Variants in LRBA observed in about 807,000 individuals in gnomAD.
The protein encoded by LRBA is LPS responsive beige-like anchor protein, also known as lipopolysaccharide-responsive and beige-like anchor protein.
Under a neutral mutation model 330.0 loss-of-function variants are expected in LRBA, and 176 were observed. The ratio of observed to expected loss-of-function variants is 0.53; its 90% CI spans 0.47 to 0.60. The LOEUF (loss-of-function observed/expected upper bound fraction) is 0.60, where lower values mean the gene tolerates loss of function less well. Ranked by LOEUF, LRBA falls within the 20% of genes least tolerant of loss-of-function variation. The pLI is 0.00. For missense variants in LRBA, 3,259 were observed against 3,444.8 expected (o/e 0.95, Z 1.35); for synonymous variants, 1,230 against 1,193.0 (o/e 1.03, Z -0.64).
At chr4:150,423,139 A>C in intron 46 of LRBA, 1 of 1,006,646 alleles carries the variant, frequency 9.9e-7, no homozygotes, top group Admixed American at 1.7e-5. Flanking sequence ...ACCACCACCA[A>C]AGTACAGGAC....
chr4:150,842,790 C>A (rs1486851548), intron 28 of LRBA, among the ~76,000 whole-genome samples: 1 of 152,084 alleles, frequency 6.6e-6, no homozygotes, highest in Non-Finnish European at 1.5e-5. Context: ...TTGCTAACTC[C>A]CTCATAGAAT....
At chr4:150,607,018 A>G (rs1021957752) in intron 37 of LRBA, among the ~76,000 whole-genome samples, 4 of 152,252 alleles carry the variant, frequency 2.6e-5, no homozygotes, top group African/African-American at 9.6e-5. Context: ...AAAAGGCACT[A>G]TAAGCCAAGA....
chr4:150,399,463 C>T (rs1377797573), intron 47 of LRBA, among the ~76,000 whole-genome samples: 1 of 152,110 alleles, frequency 6.6e-6, no homozygotes, highest in African/African-American at 2.4e-5. Context: ...GACCATGATA[C>T]CCCATATAGA....
At chr4:150,721,255 A>G in intron 36 of LRBA, 2 of 392,134 alleles carry the variant, frequency 5.1e-6, no homozygotes. Flanking sequence ...CACTTTTTAG[A>G]TGAGTGGCTT....
chr4:150,727,348 A>G (rs1729843210), intron 36 of LRBA, among the ~76,000 whole-genome samples: 2 of 152,156 alleles, frequency 1.3e-5, no homozygotes, highest in Non-Finnish European at 2.9e-5. Context: ...TGCTGGGATT[A>G]CAGGTGTGAC....
intron 46 of LRBA, chr4:150,423,247 A>G (rs1749073580): frequency 3.4e-6 from 4 of 1,191,940 alleles, no homozygotes; most frequent in Non-Finnish European, 4.9e-6. Flanking sequence ...ACAAGAGCTG[A>G]CACGCAGCCG....
rs1746633375 is a variant in LRBA, at chr4:150,828,572, T to C, written c.4779A>G (p.Glu1593=). 2 of 1,614,092 alleles carry C rather than the reference T, an allele frequency of 1.2e-6. No individual in the cohort carries two copies. The highest frequency in any genetic ancestry group is 1.7e-6 in the Non-Finnish European group (2 of 1,179,986). ...FSTLTTASVE[E]SESTSSARRR... is the part of the protein sequence containing the mutation. ...TTCGAGCAGATGATGTGCTTTCAGA[T>C]TCTTCCACTGATGCCGTAGTTAAAG... is the stretch of plus-strand genomic sequence containing the variant. Residue 1593 remains glutamate (E), a synonymous_variant, in exon 30 of 57, where the codon GAA becomes GAG. Coordinates refer to ENST00000651943, the MANE Select transcript of LRBA (RefSeq NM_001364905.1).
intron 5 of LRBA, 46 bp from the exon 6 acceptor site, chr4:150,916,784 C>CTT: frequency 6.9e-7 from 1 of 1,456,208 alleles, no homozygotes; most frequent in Non-Finnish European, 9.2e-7. Context: ...GAAAACCTGT[C>CTT]TTATTAAAAT....
chr4:150,792,294 A>G (rs1740063825), intron 34 of LRBA, among the ~76,000 whole-genome samples: 1 of 152,036 alleles, frequency 6.6e-6, no homozygotes, highest in South Asian at 2.1e-4. Context: ...TTCTATTTAT[A>G]TTAAGTTCAG....
chr4:150,537,962 A>G (rs911155418), intron 40 of LRBA, among the ~76,000 whole-genome samples: 16 of 152,156 alleles, frequency 1.1e-4, no homozygotes. Flanking sequence ...CTCAAAAAAA[A>G]AAGCGAACAA....
At chr4:150,926,157 CTT>C (rs901128706) in intron 4 of LRBA, among the ~76,000 whole-genome samples, 30 of 152,304 alleles carry the variant, frequency 2.0e-4, no homozygotes, top group Middle Eastern at 3.4e-3. Context: ...TGCATTGACT[CTT>C]TGACTTAATA....
chr4:150,357,891 T>C (rs920463264), intron 47 of LRBA, among the ~76,000 whole-genome samples: 2 of 152,074 alleles, frequency 1.3e-5, no homozygotes. Context: ...CAAATCTATA[T>C]ATGCTGAGCC....
chr4:150,765,927 T>C (rs1735706129), intron 34 of LRBA, among the ~76,000 whole-genome samples: 1 of 152,084 alleles, frequency 6.6e-6, no homozygotes, highest in Admixed American at 6.5e-5. Flanking sequence ...TTAACCACAC[T>C]AAAAATTTGT....
rs1751192336 is a variant in LRBA at position 150,436,921 on chromosome 4, T to C, written c.6781-57A>G. On this transcript the variant is annotated intron_variant, in intron 44 of 56. Transcript: ENST00000651943. ...CATCAATGTAATCATCCTTCATGTC[T>C]TCCTCTCTTCTGATGATATCCTACT... The C allele has an allele frequency of 4.0e-6, 6 of 1,482,176 alleles. No individual in the cohort carries two copies. The East Asian group carries it at 1.1e-4, about 28-fold the overall frequency. 91.8% of individuals were successfully genotyped at this position (1,482,176 alleles called of 1,614,324 possible).
chr4:150,697,325 GAAAAAAAAAAAAAAA>G (rs60145657), intron 36 of LRBA, among the ~76,000 whole-genome samples: 1 of 28,034 alleles, frequency 3.6e-5, no homozygotes, highest in Admixed American at 7.7e-4. Flanking sequence ...CTTTGTCTCA[GAAAAAAAAAAAAAAA>G]AAAAAAAAAA....
At chr4:150,638,263 G>C (rs575494017) in intron 37 of LRBA, among the ~76,000 whole-genome samples, 220 of 152,032 alleles carry the variant, frequency 1.4e-3, no homozygotes, top group Middle Eastern at 3.4e-3. Flanking sequence ...TCCTGACCTC[G>C]TGATCCACCC....
intron 53 of LRBA, among the ~76,000 whole-genome samples, chr4:150,297,369 G>A (rs1001327384): frequency 6.6e-6 from 1 of 152,156 alleles, no homozygotes; most frequent in Non-Finnish European, 1.5e-5. Context: ...TTGAGGGCCT[G>A]CATTGCATCA....
intron 9 of LRBA, among the ~76,000 whole-genome samples, chr4:150,912,711 T>C (rs1303296559): frequency 1.3e-5 from 2 of 152,166 alleles, no homozygotes; most frequent in Admixed American, 6.5e-5. Flanking sequence ...TTATTTCTGC[T>C]CGGATTTTTA....
At chr4:150,567,810 A>C (rs1167426316) in intron 40 of LRBA, among the ~76,000 whole-genome samples, 3 of 152,122 alleles carry the variant, frequency 2.0e-5, no homozygotes, top group Non-Finnish European at 4.4e-5. Flanking sequence ...CAAATTTATC[A>C]CTCTATAAGG....
Sources: allele counts gnomAD v4.1 joint callset (sites outside exome capture counted in the v4.1 genomes callset), GRCh38; gene constraint gnomAD v4.1.1; transcripts MANE v1.5; gene names NCBI Gene and HGNC (gene_info 2026-07-23, HGNC 2026-07-21).